The following RPH3AL variants were observed in gnomAD, a reference collection of about 807,000 sequenced individuals.
RPH3AL encodes rab effector Noc2.
RPH3AL carries 38 observed loss-of-function variants against 43.1 expected under a neutral mutation model. The observed-to-expected ratio is 0.88, with a 90% confidence interval of 0.68 to 1.15. The LOEUF (loss-of-function observed/expected upper bound fraction) is 1.15. Ranked by LOEUF, RPH3AL falls within the 50% of genes most tolerant of loss-of-function variation. The pLI is 0.00. For synonymous variants in RPH3AL, 189 were observed against 176.3 expected (o/e 1.07, Z -0.57); for missense variants, 462 against 423.2 (o/e 1.09, Z -0.81).
chr17:213,588 A>T lies in RPH3AL; in HGVS notation c.*264T>A. 1.8e-6 allele frequency: 1 copy of T among 565,282 alleles called. No homozygotes were observed. The highest frequency in any genetic ancestry group is 2.0e-5 in the South Asian group (1 of 49,246). The allele number at this position is 565,282 out of a possible 1,614,324, so 35.0% of individuals were successfully genotyped here. A position where few individuals can be genotyped will look rare whatever the true frequency, so the allele number is the denominator to read the frequency against. On this transcript the variant is annotated 3_prime_UTR_variant, in exon 10 of 10. Coordinates refer to ENST00000331302, the MANE Select transcript of RPH3AL (RefSeq NM_006987.4). ...CAAACTTAAAATCATCACCAGGTAG[A>T]TTGGGGGTGTGGGAGGGGAGGGTAA...
intron 5 of RPH3AL, among the ~76,000 whole-genome samples, chr17:286,062 C>T (rs1011902190): frequency 6.6e-6 from 1 of 152,146 alleles, no homozygotes; most frequent in Non-Finnish European, 1.5e-5. Context: ...GGGGGGTGCT[C>T]GGCTGCCCTG....
At chr17:219,907 C>T (rs947001385) in intron 7 of RPH3AL, among the ~76,000 whole-genome samples, 171 bp from the exon 8 acceptor site, 1 of 152,178 alleles carries the variant, frequency 6.6e-6, no homozygotes, top group African/African-American at 2.4e-5. Flanking sequence ...GGAGGACACA[C>T]ATTTCTGCTG....
chr17:262,508 C>T (rs1555546658), intron 6 of RPH3AL, among the ~76,000 whole-genome samples: 2 of 152,104 alleles, frequency 1.3e-5, no homozygotes, highest in Non-Finnish European at 2.9e-5. Context: ...GCCACCGCAC[C>T]CGGCCAACAA....
At chr17:222,779 C>T (rs1567562236) in intron 7 of RPH3AL, among the ~76,000 whole-genome samples, 1 of 152,114 alleles carries the variant, frequency 6.6e-6, no homozygotes, top group Admixed American at 6.6e-5. Flanking sequence ...ACCCACAGAC[C>T]CTGGCCAAGC....
intron 5 of RPH3AL, among the ~76,000 whole-genome samples, chr17:312,231 T>C (rs549312792): frequency 6.6e-6 from 1 of 151,704 alleles, no homozygotes; most frequent in South Asian, 2.1e-4. Flanking sequence ...ACCCCAGGAG[T>C]TGAAGGCTGC....
rs181796938 is a variant in RPH3AL, at chr17:299,580, A to G, written c.352-17726T>C. ...AGACGGGCCAAGTCCATCCCCAGTT[A>G]AGGTCCGTGAACAGCAAACAGCTGC... On this transcript the variant is annotated intron_variant, in intron 5 of 9. Transcript: ENST00000331302. Among the ~76,000 whole-genome samples, 797 of 152,294 alleles carry G rather than the reference A, an allele frequency of 5.2e-3. 7 individuals carry two copies. Among genetic ancestry groups the G allele is most frequent in the African/African-American group, 0.017 (699 of 41,572 alleles).
Position 249,061 on chromosome 17 carries a change from G to A in RPH3AL, c.439-1776C>T, listed in dbSNP as rs572276873. ...GGACCGCCTCTTGGAGAGAGCCACC[G>A]ATTAGAATTCAGAGCAGCTGCTGAG... On this transcript the variant is annotated intron_variant, in intron 6 of 9. Coordinates refer to ENST00000331302, the MANE Select transcript of RPH3AL (RefSeq NM_006987.4). Among the ~76,000 whole-genome samples the A allele has an allele frequency of 7.9e-5, 12 of 152,260 alleles. No homozygotes were observed. The East Asian group carries it at 1.4e-3, about 17-fold the overall frequency.
At chr17:243,269 T>G in intron 7 of RPH3AL, among the ~76,000 whole-genome samples, 1 of 145,294 alleles carries the variant, frequency 6.9e-6, no homozygotes, top group East Asian at 2.0e-4. Context: ...TGATTACCCT[T>G]CCTCTATTGA....
intron 5 of RPH3AL, among the ~76,000 whole-genome samples, chr17:316,919 T>G (rs531155717): frequency 1.9e-3 from 286 of 149,068 alleles, no homozygotes; most frequent in African/African-American, 6.6e-3. Flanking sequence ...TCCACTGACC[T>G]GTAGTCTCTG....
In RPH3AL at chr17:289,156, A is replaced by G. The variant is rs1179305259; in HGVS notation, c.352-7302T>C. On this transcript the variant is annotated intron_variant, in intron 5 of 9. Transcript: ENST00000331302. The surrounding 1 kb of genome is among the most constrained non-coding windows in gnomAD (Gnocchi z 5.2). ...TCTGAGCCTCACTTCCTCATCTGTA[A>G]GTTGGTGGTAACAGGCCCCCCCACA... Among the ~76,000 whole-genome samples the G allele has an allele frequency of 6.6e-6, 1 of 152,216 alleles. No homozygotes were observed. The highest frequency in any genetic ancestry group is 1.9e-4 in the East Asian group (1 of 5,174).
intron 7 of RPH3AL, among the ~76,000 whole-genome samples, chr17:226,830 T>A (rs2041117651): frequency 6.6e-6 from 1 of 152,256 alleles, no homozygotes. Context: ...GACTCATACA[T>A]CTGGCCCTTG....
chr17:281,440 T>G (rs993367587), intron 6 of RPH3AL, among the ~76,000 whole-genome samples: 4 of 151,988 alleles, frequency 2.6e-5, no homozygotes, highest in Non-Finnish European at 5.9e-5. Flanking sequence ...GTTACCATAA[T>G]AACAGCCCCC....
chr17:350,609 A>G (rs977342794), intron 1 of RPH3AL, among the ~76,000 whole-genome samples: 35 of 152,300 alleles, frequency 2.3e-4, no homozygotes, highest in African/African-American at 8.2e-4. Context: ...ACCCCATCTC[A>G]AAAAAAGAAA....
intron 1 of RPH3AL, among the ~76,000 whole-genome samples, chr17:350,980 C>T (rs1204452524): frequency 6.6e-6 from 1 of 152,204 alleles, no homozygotes; most frequent in Non-Finnish European, 1.5e-5. Flanking sequence ...GAAGAGGTCA[C>T]TGAGTAGCTC....
At chr17:302,860 C>A (rs147935797) in intron 5 of RPH3AL, among the ~76,000 whole-genome samples, 3 of 152,318 alleles carry the variant, frequency 2.0e-5, no homozygotes, top group African/African-American at 7.2e-5. Context: ...ATCCACCCTG[C>A]GAACATTTGT....
Position 262,277 on chromosome 17 carries a change from G to A in RPH3AL, c.439-14992C>T, listed in dbSNP as rs762041925. On this transcript the variant is annotated intron_variant, in intron 6 of 9. Coordinates refer to ENST00000331302, the MANE Select transcript of RPH3AL (RefSeq NM_006987.4). Reference sequence around the variant, plus strand: ...TCTGTCACCCAGGCTGGAGTGCAGCGGCACAATCTCGGCTCACTGCAACCT... The same window carrying A: ...TCTGTCACCCAGGCTGGAGTGCAGCAGCACAATCTCGGCTCACTGCAACCT... 2.6e-4 allele frequency among the ~76,000 whole-genome samples: 40 copies of A among 152,188 alleles called. 1 individual carries two copies. In the South Asian group the frequency reaches 6.4e-3, roughly 24 times the overall value.
intron 7 of RPH3AL, among the ~76,000 whole-genome samples, chr17:241,572 T>C (rs2041534185): frequency 6.6e-6 from 1 of 152,018 alleles, no homozygotes; most frequent in Non-Finnish European, 1.5e-5. Flanking sequence ...AAAAGCACCA[T>C]GCAGAGTGTT....
At chr17:307,247 C>CCCCACGGCAGGTCCAT (rs2043518025) in intron 5 of RPH3AL, among the ~76,000 whole-genome samples, 1 of 6,776 alleles carries the variant, frequency 1.5e-4, no homozygotes, top group African/African-American at 3.8e-4. Context: ...GGCAGGTCCT[C>CCCCACGGCAGGTCCAT]CCCACGGCAG....
chr17:334,013 G>T (rs1040860843), intron 1 of RPH3AL, 79 bp from the exon 2 acceptor site: 3 of 152,392 alleles, frequency 2.0e-5, no homozygotes, highest in Admixed American at 6.5e-5. Context: ...TTAAAAGAAG[G>T]CTTCTATCTC....
Sources: gnomAD v4.1 joint callset for allele counts (sites outside exome capture counted in the v4.1 genomes callset) on GRCh38, gnomAD v4.1.1 for gene constraint, Gnocchi (gnomAD v3.1) non-coding constraint, MANE v1.5 for transcripts, NCBI Gene and HGNC (gene_info 2026-07-23, HGNC 2026-07-21) for gene names.